Variants in FLACC1 observed in about 807,000 individuals in gnomAD.
FLACC1 encodes the protein flagellum associated containing coiled-coil domains 1, also known as flagellum-associated coiled-coil domain-containing protein 1.
In FLACC1, 66 loss-of-function variants were observed where a neutral mutation model predicts 62.8. The observed-to-expected ratio is 1.05, with a 90% CI of 0.86 to 1.29. FLACC1 has a LOEUF of 1.29. Ranked by LOEUF, FLACC1 falls within the 50% of genes most tolerant of loss-of-function variation. The pLI, the probability that FLACC1 is intolerant of heterozygous loss-of-function variation, is 0.00. For missense variants in FLACC1, 452 were observed against 489.1 expected, an observed-to-expected ratio of 0.92 and a Z score of 0.71; for synonymous variants, 156 against 161.0, an observed-to-expected ratio of 0.97 and a Z score of 0.24.
chr2:201,346,570 C>G lies in FLACC1; in HGVS notation c.340G>C (p.Glu114Gln). The change falls in exon 5 of 15, where the codon GAG becomes CAG. Residue 114 changes from glutamate to glutamine, a missense_variant. Around this residue, in one of 3 missense-constraint regions of FLACC1, gnomAD observed 147 missense variants for 152.7 expected, o/e 0.96. Coordinates refer to ENST00000392257, the MANE Select transcript of FLACC1 (RefSeq NM_001127391.3). This position sits in a 1 kb window ranked among gnomAD's most constrained non-coding sequence, Gnocchi z 4.0. ...MFDRKKRWES[E>Q]IPDKGRFSRT... is the part of the protein sequence containing the mutation. Reference sequence around the variant, plus strand: ...GAAAATCTGCCTTTGTCCGGGATCTCCGATTCCCACCGCTTTTTCCTATCA... The same window carrying G: ...GAAAATCTGCCTTTGTCCGGGATCTGCGATTCCCACCGCTTTTTCCTATCA... The G allele has an allele frequency of 3.7e-6, 6 of 1,614,106 alleles. No individual in the cohort carries two copies. Among genetic ancestry groups the G allele is most frequent in the Non-Finnish European group, 5.1e-6 (6 of 1,180,008 alleles).
chr2:201,339,344 G>C (rs955649796), intron 7 of FLACC1, among the ~76,000 whole-genome samples: 2 of 151,696 alleles, frequency 1.3e-5, no homozygotes, highest in Admixed American at 1.3e-4. Flanking sequence ...TATCAATTTG[G>C]TTTATTTTTT....
intron 9 of FLACC1, among the ~76,000 whole-genome samples, chr2:201,325,569 A>C (rs1393471825): frequency 2.6e-5 from 4 of 152,182 alleles, no homozygotes; most frequent in African/African-American, 9.7e-5. Context: ...GAAAACCTAG[A>C]GGAAATAGAC....
chr2:201,316,071 G>A (rs1159726481), intron 9 of FLACC1, among the ~76,000 whole-genome samples: 2 of 152,048 alleles, frequency 1.3e-5, no homozygotes, highest in Non-Finnish European at 2.9e-5. Context: ...AAAGAGGAAA[G>A]CTAAAAGCCC....
intron 1 of FLACC1, among the ~76,000 whole-genome samples, chr2:201,353,346 A>G (rs1951063212): frequency 6.6e-6 from 1 of 152,228 alleles, no homozygotes; most frequent in Non-Finnish European, 1.5e-5. Context: ...CCAAATCCTC[A>G]TCTGCTGTAC....
At chr2:201,362,801 A>G in the FLACC1 span, among the ~76,000 whole-genome samples, 1 of 152,306 alleles carries the variant, frequency 6.6e-6, no homozygotes, top group East Asian at 1.9e-4. Context: ...GTGGCCACAC[A>G]GGCATTTTAG....
intron 11 of FLACC1, among the ~76,000 whole-genome samples, chr2:201,300,039 C>A (rs1275906525): frequency 6.6e-6 from 1 of 152,178 alleles, no homozygotes; most frequent in Non-Finnish European, 1.5e-5. Context: ...AACTGAGGTA[C>A]CAGGTTCATC....
chr2:201,309,342 T>C, intron 9 of FLACC1, 92 bp from the exon 10 acceptor site: 1 of 931,130 alleles, frequency 1.1e-6, no homozygotes, highest in East Asian at 2.4e-5. Context: ...AGGACTCCTC[T>C]TGGCATTGCA....
At chr2:201,298,842 C>A (rs1273431831) in intron 12 of FLACC1, among the ~76,000 whole-genome samples, 1 of 152,172 alleles carries the variant, frequency 6.6e-6, no homozygotes, top group African/African-American at 2.4e-5. Flanking sequence ...GTGTGAGGTA[C>A]ATTCAGAGCT....
chr2:201,330,407 C>T (rs1021844914), intron 9 of FLACC1, 63 bp downstream of exon 9: 2 of 1,472,700 alleles, frequency 1.4e-6, no homozygotes, highest in Non-Finnish European at 9.4e-7. Context: ...TAGATTTATC[C>T]CAATGTTAGC....
intron 7 of FLACC1, among the ~76,000 whole-genome samples, chr2:201,338,450 G>A (rs539015908): frequency 6.6e-5 from 10 of 152,112 alleles, no homozygotes; most frequent in East Asian, 3.9e-4. Context: ...GAATAGGAGC[G>A]GTAAAAGTAG....
intron 9 of FLACC1, among the ~76,000 whole-genome samples, chr2:201,311,558 T>TA (rs1950217903): frequency 1.3e-5 from 2 of 151,540 alleles, no homozygotes; most frequent in African/African-American, 2.4e-5. Context: ...ACAGAAAAAA[T>TA]AAAAAATTAG....
intron 7 of FLACC1, among the ~76,000 whole-genome samples, chr2:201,337,864 T>A (rs1245550780): frequency 1.3e-5 from 2 of 152,138 alleles, no homozygotes; most frequent in Non-Finnish European, 2.9e-5. Context: ...TAACTCCAGA[T>A]TTTTTTTCCC....
At chr2:201,337,286 T>G (rs1181006945) in intron 7 of FLACC1, among the ~76,000 whole-genome samples, 1 of 152,220 alleles carries the variant, frequency 6.6e-6, no homozygotes, top group Non-Finnish European at 1.5e-5. Context: ...CATTTAAGAC[T>G]TTAATCCATC....
intron 7 of FLACC1, 137 bp from the exon 8 acceptor site, chr2:201,330,970 T>TA: frequency 6.1e-5 from 34 of 560,966 alleles, no homozygotes; most frequent in East Asian, 9.8e-5. Flanking sequence ...AATTTTTAAA[T>TA]CTTTTTTTTT....
chr2:201,305,225 A>T (rs1193584161), intron 11 of FLACC1, among the ~76,000 whole-genome samples: 1 of 152,232 alleles, frequency 6.6e-6, no homozygotes, highest in Non-Finnish European at 1.5e-5. Context: ...AAGAACTTAA[A>T]CAAATTTACA....
At chr2:201,289,854 C>T in intron 12 of FLACC1, 69 bp from the exon 13 acceptor site, 1 of 1,611,500 alleles carries the variant, frequency 6.2e-7, no homozygotes. Flanking sequence ...CTCCAGGGCA[C>T]CTGGACTATG....
chr2:201,293,847 C>G (rs1346961505), intron 12 of FLACC1, among the ~76,000 whole-genome samples: 2 of 151,586 alleles, frequency 1.3e-5, no homozygotes, highest in Admixed American at 1.3e-4. Flanking sequence ...GATATCACCA[C>G]CGATCCCACA....
At chr2:201,359,449 G>A (rs1951166010), upstream of FLACC1, among the ~76,000 whole-genome samples, 2 of 152,170 alleles carry the variant, frequency 1.3e-5, no homozygotes. Context: ...ATCACATATA[G>A]AGAGAGTATT....
the FLACC1 span, among the ~76,000 whole-genome samples, chr2:201,363,317 T>C: frequency 6.0e-5 from 9 of 151,074 alleles, no homozygotes; most frequent in East Asian, 2.0e-4. Context: ...ACTCCAACTC[T>C]AGGCAGATCT....
Sources: allele counts gnomAD v4.1 joint callset (sites outside exome capture counted in the v4.1 genomes callset), GRCh38; gene constraint gnomAD v4.1.1; regional missense constraint gnomAD v4.1.1; non-coding constraint Gnocchi (gnomAD v3.1); transcripts MANE v1.5; gene names NCBI Gene and HGNC (gene_info 2026-07-23, HGNC 2026-07-21).